The following IMPG2 variants were observed in gnomAD, a reference collection of about 807,000 sequenced individuals.
The protein encoded by IMPG2 is IPM 200.
Under a neutral mutation model 129.2 loss-of-function variants are expected in IMPG2, and 91 were observed. The ratio of observed to expected loss-of-function variants is 0.70; its 90% confidence interval spans 0.59 to 0.84. IMPG2 has a LOEUF of 0.84. IMPG2 is among the 40% of genes least tolerant of loss of function. The pLI is 0.00. For synonymous variants in IMPG2, 510 were observed against 517.7 expected (o/e 0.99, Z 0.20); for missense variants, 1,430 against 1,461.7 (o/e 0.98, Z 0.35).
At chr3:101,301,724 T>A (rs1281012261) in intron 3 of IMPG2, among the ~76,000 whole-genome samples, 1 of 152,194 alleles carries the variant, frequency 6.6e-6, no homozygotes, top group Non-Finnish European at 1.5e-5. Flanking sequence ...CCTATTTACA[T>A]CTCTCAAGTT....
Position 101,242,890 on chromosome 3 carries a change from C to CT in IMPG2, c.2819dup (p.Ser941ValfsTer34). The CT allele has an allele frequency of 6.2e-7, 1 of 1,613,898 alleles. No homozygotes were observed. Among genetic ancestry groups the CT allele is most frequent in the Non-Finnish European group, 8.5e-7 (1 of 1,179,836 alleles). ...AGTTCTGGAACCCCGTGAGATTTGA[C>CT]TGGAGATAGGGAACCAGCTACAATA... On this transcript the variant is annotated frameshift_variant, in exon 14 of 19. Coordinates refer to ENST00000193391, the MANE Select transcript of IMPG2 (RefSeq NM_016247.4). LOFTEE classifies it high-confidence loss of function.
intron 18 of IMPG2, chr3:101,227,664 A>C (rs1185366125): frequency 2.7e-6 from 1 of 368,030 alleles, no homozygotes. Context: ...TCTCTGGTTT[A>C]AAAGGCAGAC....
rs1371594085 is a variant in IMPG2 at position 101,244,215 on chromosome 3, T to C, written c.2116A>G (p.Ile706Val). The C allele has an allele frequency of 6.2e-6, 10 of 1,614,026 alleles. No individual in the cohort carries two copies. The highest frequency in any genetic ancestry group is 2.2e-5 in the South Asian group (2 of 91,076). Residue 706 changes from isoleucine to valine, a missense_variant, in exon 13 of 19, where the codon ATA becomes GTA. Transcript: ENST00000193391. ...ESASLTLPKH[I>V]SEVPGVDDYS... ...TCATCAACACCAGGTACTTCTGATA[T>C]GTGCTTGGGGAGGGTTAGAGACGCA...
At chr3:101,254,812 G>A (rs1284847128) in intron 10 of IMPG2, among the ~76,000 whole-genome samples, 1 of 152,062 alleles carries the variant, frequency 6.6e-6, no homozygotes, top group East Asian at 1.9e-4. Flanking sequence ...GGTGGGAGGT[G>A]ATTGGATCAT....
At chr3:101,261,301 A>G (rs574525219) in intron 9 of IMPG2, among the ~76,000 whole-genome samples, 42 of 152,322 alleles carry the variant, frequency 2.8e-4, no homozygotes, top group Admixed American at 2.4e-3. Flanking sequence ...GGAGGAGGAA[A>G]GGCTATGTCA....
At chr3:101,235,806 A>G (rs1443149366) in intron 14 of IMPG2, among the ~76,000 whole-genome samples, 1 of 152,198 alleles carries the variant, frequency 6.6e-6, no homozygotes. Context: ...GTTTTCTAGG[A>G]GCAGCTTAAA....
chr3:101,229,594 A>T lies in IMPG2; in HGVS notation c.3423-4T>A. 1 of 1,612,140 alleles carries T rather than the reference A, an allele frequency of 6.2e-7. No homozygotes were observed. The highest frequency in any genetic ancestry group is 1.3e-5 in the African/African-American group (1 of 75,014). On this transcript the variant is annotated splice_region_variant and splice_polypyrimidine_tract_variant and intron_variant, in intron 16 of 18. Transcript: ENST00000193391. ...GTCAGGCTGCCTGCTGGAGCCACTAAAAGAAAGATATGATGGATTCAGGCT... is the reference window on the plus strand; with the variant it reads ...GTCAGGCTGCCTGCTGGAGCCACTATAAGAAAGATATGATGGATTCAGGCT...
At chr3:101,232,319 C>A (rs2107207273) in intron 15 of IMPG2, among the ~76,000 whole-genome samples, 1 of 151,966 alleles carries the variant, frequency 6.6e-6, no homozygotes, top group Admixed American at 6.5e-5. Flanking sequence ...CTCACTGCAA[C>A]CTCTGCCTCC....
At chr3:101,277,104 A>G in intron 4 of IMPG2, among the ~76,000 whole-genome samples, 1 of 152,202 alleles carries the variant, frequency 6.6e-6, no homozygotes, top group East Asian at 1.9e-4. Flanking sequence ...ATTAAAATTA[A>G]ACCAAGTTAA....
chr3:101,301,380 T>C (rs1460803997), intron 3 of IMPG2, among the ~76,000 whole-genome samples: 2 of 152,210 alleles, frequency 1.3e-5, no homozygotes, highest in Admixed American at 1.3e-4. Flanking sequence ...CATAAACCTT[T>C]GATTTGTAAA....
intron 11 of IMPG2, 118 bp downstream of exon 11, chr3:101,253,578 C>A: frequency 1.3e-6 from 1 of 750,124 alleles, no homozygotes; most frequent in Non-Finnish European, 2.4e-6. Flanking sequence ...AGGGATGATG[C>A]AAGAGAATAA....
intron 2 of IMPG2, among the ~76,000 whole-genome samples, chr3:101,305,836 A>G (rs1259321058): frequency 3.3e-5 from 5 of 152,210 alleles, no homozygotes; most frequent in African/African-American, 9.6e-5. Context: ...TGCTTTTTGT[A>G]TAGTACTGAA....
At chr3:101,270,202 G>T (rs1406914085) in intron 7 of IMPG2, among the ~76,000 whole-genome samples, 5 of 152,010 alleles carry the variant, frequency 3.3e-5, no homozygotes, top group Non-Finnish European at 7.4e-5. Context: ...CTCCCGAAGT[G>T]CTAGGATTAC....
chr3:101,319,285 G>C (rs1188995327), intron 2 of IMPG2, among the ~76,000 whole-genome samples: 1 of 151,898 alleles, frequency 6.6e-6, no homozygotes, highest in African/African-American at 2.4e-5. Context: ...CTTACATAAC[G>C]CACCAAAAGC....
At chr3:101,313,607 C>T (rs546963983) in intron 2 of IMPG2, among the ~76,000 whole-genome samples, 287 of 152,118 alleles carry the variant, frequency 1.9e-3, no homozygotes, top group African/African-American at 6.5e-3. Flanking sequence ...GTCTTTAATC[C>T]TTCTACTAGA....
At chr3:101,291,644 T>A in intron 3 of IMPG2, 134 bp from the exon 4 acceptor site, 1 of 709,232 alleles carries the variant, frequency 1.4e-6, no homozygotes, top group Non-Finnish European at 2.5e-6. Flanking sequence ...GTTAGACAAG[T>A]GATTAAAACA....
intron 11 of IMPG2, among the ~76,000 whole-genome samples, chr3:101,249,544 TG>T (rs755226530): frequency 2.0e-5 from 3 of 152,088 alleles, no homozygotes; most frequent in Non-Finnish European, 4.4e-5. Flanking sequence ...CAAACATTTT[TG>T]GCAATGTAGC....
At chr3:101,308,838 T>C (rs1404038110) in intron 2 of IMPG2, among the ~76,000 whole-genome samples, 2 of 152,216 alleles carry the variant, frequency 1.3e-5, no homozygotes, top group African/African-American at 2.4e-5. Flanking sequence ...AAACATAACT[T>C]TCAATTCCAA....
At chr3:101,236,053 T>C (rs1386950050) in intron 14 of IMPG2, among the ~76,000 whole-genome samples, 1 of 152,200 alleles carries the variant, frequency 6.6e-6, no homozygotes, top group Non-Finnish European at 1.5e-5. Context: ...TTCATTCCAT[T>C]AGCAAATGCC....
Sources: gnomAD v4.1 joint callset for allele counts (sites outside exome capture counted in the v4.1 genomes callset) on GRCh38, gnomAD v4.1.1 for gene constraint, MANE v1.5 for transcripts, NCBI Gene and HGNC (gene_info 2026-07-23, HGNC 2026-07-21) for gene names.